The following ZNF438 variants were observed in gnomAD, a reference collection of about 807,000 sequenced individuals.
ZNF438 encodes the protein zinc finger protein 438.
ZNF438 carries 25 observed loss-of-function variants against 38.0 expected under a neutral mutation model. That is an observed-to-expected ratio of 0.66 (90% CI 0.48 to 0.92). ZNF438 has a LOEUF of 0.92. Among genes scored for constraint, ZNF438 ranks in the 40% least tolerant of loss-of-function variants. ZNF438 has a pLI of 0.00. For synonymous variants in ZNF438, 372 were observed against 364.1 expected, an observed-to-expected ratio of 1.02 and a Z score of -0.25; for missense variants, 1,007 against 999.6, an observed-to-expected ratio of 1.01 and a Z score of -0.10.
At chr10:31,015,126 C>T (rs1263373671) in intron 1 of ZNF438, among the ~76,000 whole-genome samples, 3 of 152,114 alleles carry the variant, frequency 2.0e-5, no homozygotes, top group East Asian at 1.9e-4. Flanking sequence ...CGTCGGCTTC[C>T]GAAAGTGCTG....
intron 4 of ZNF438, among the ~76,000 whole-genome samples, chr10:30,871,591 C>G (rs1404808019): frequency 6.6e-6 from 1 of 152,136 alleles, no homozygotes; most frequent in Non-Finnish European, 1.5e-5. Flanking sequence ...CTAAGTATGC[C>G]TTACTTGAGT....
rs142004600 is a variant in ZNF438, at chr10:30,988,513, A to C, written c.-192+43320T>G. On this transcript the variant is annotated intron_variant, in intron 1 of 5. Transcript: ENST00000413025. Reference sequence around the variant, plus strand: ...GTCAGGGTTCTCCAGAGAAAGAGAGAGATAACAAGATTATAATTATTGTAC... The same window carrying C: ...GTCAGGGTTCTCCAGAGAAAGAGAGCGATAACAAGATTATAATTATTGTAC... Among the ~76,000 whole-genome samples, 813 of 152,200 alleles carry C rather than the reference A, an allele frequency of 5.3e-3. 6 individuals are homozygous for C. Among genetic ancestry groups the C allele is most frequent in the African/African-American group, 0.019 (780 of 41,554 alleles).
chr10:30,926,140 A>G (rs1278886609), intron 2 of ZNF438, among the ~76,000 whole-genome samples: 4 of 152,230 alleles, frequency 2.6e-5, no homozygotes, highest in Non-Finnish European at 1.5e-5. Flanking sequence ...AAAGTAGGCA[A>G]TTAACTAGAA....
At chr10:30,966,647 G>A (rs2050151715) in intron 1 of ZNF438, among the ~76,000 whole-genome samples, 3 of 140,292 alleles carry the variant, frequency 2.1e-5, no homozygotes, top group Admixed American at 1.5e-4. Flanking sequence ...TCCAGCCTGG[G>A]CAACAGAGCA....
intron 2 of ZNF438, among the ~76,000 whole-genome samples, chr10:30,933,103 A>G (rs920782413): frequency 6.6e-6 from 1 of 152,218 alleles, no homozygotes; most frequent in Admixed American, 6.5e-5. Flanking sequence ...AGTCCTAGAA[A>G]ATTAATACCA....
intron 4 of ZNF438, among the ~76,000 whole-genome samples, chr10:30,875,757 C>T (rs1293893920): frequency 6.6e-6 from 1 of 152,204 alleles, no homozygotes; most frequent in African/African-American, 2.4e-5. Flanking sequence ...TCAAACCAAG[C>T]GGTCTAATTC....
At chr10:30,999,953 T>A (rs965737141) in intron 1 of ZNF438, among the ~76,000 whole-genome samples, 1 of 152,224 alleles carries the variant, frequency 6.6e-6, no homozygotes, top group African/African-American at 2.4e-5. Flanking sequence ...TCTTTATTTG[T>A]CTTTTTAGAA....
intron 3 of ZNF438, among the ~76,000 whole-genome samples, chr10:30,894,679 A>C (rs1468796671): frequency 6.6e-6 from 1 of 152,218 alleles, no homozygotes; most frequent in Non-Finnish European, 1.5e-5. Flanking sequence ...AGGAAGAAAA[A>C]AGGAACAATG....
At chr10:30,950,282 C>T (rs937459797) in intron 1 of ZNF438, among the ~76,000 whole-genome samples, 4 of 151,852 alleles carry the variant, frequency 2.6e-5, no homozygotes, top group African/African-American at 9.7e-5. Flanking sequence ...ACTAAATGCC[C>T]ACAAGAGAAA....
Position 30,984,736 on chromosome 10 carries a change from G to A in ZNF438, c.-191-43085C>T, listed in dbSNP as rs182253686. 2.2e-3 allele frequency among the ~76,000 whole-genome samples: 335 copies of A among 152,288 alleles called. 1 individual carries two copies. The highest frequency in any genetic ancestry group is 3.5e-3 in the Non-Finnish European group (235 of 68,020). On this transcript the variant is annotated intron_variant, in intron 1 of 5. Transcript: ENST00000413025. ...CATTCTTTTCCATGTGCATAATACT[G>A]TGGAAATTAGTAAACAGTCACAAAC...
At chr10:30,890,636 C>T (rs560219503) in intron 3 of ZNF438, among the ~76,000 whole-genome samples, 1 of 152,296 alleles carries the variant, frequency 6.6e-6, no homozygotes, top group African/African-American at 2.4e-5. Context: ...AATCTATTCT[C>T]TCTGATGCAA....
intron 2 of ZNF438, among the ~76,000 whole-genome samples, chr10:30,917,679 T>C (rs776199532): frequency 2.0e-5 from 3 of 152,184 alleles, no homozygotes; most frequent in Non-Finnish European, 2.9e-5. Flanking sequence ...CCGCTTTTTG[T>C]TATGGAGCTG....
Position 30,961,757 on chromosome 10 carries a change from G to A in ZNF438, c.-191-20106C>T, listed in dbSNP as rs184306422. On this transcript the variant is annotated intron_variant, in intron 1 of 5. Transcript: ENST00000413025. ...CAAGAGATTGGCCGGGTGTGGTGGC[G>A]TGCGCCTGTGATCCTAGCTACTCAG... 1.2e-3 allele frequency among the ~76,000 whole-genome samples: 174 copies of A among 145,836 alleles called. 9 individuals carry two copies. Among genetic ancestry groups the A allele is most frequent in the African/African-American group, 4.0e-3 (165 of 41,040 alleles).
At chr10:30,876,638 T>C (rs1373881310) in intron 4 of ZNF438, among the ~76,000 whole-genome samples, 1 of 152,226 alleles carries the variant, frequency 6.6e-6, no homozygotes, top group Non-Finnish European at 1.5e-5. Flanking sequence ...TATATTCTTC[T>C]ACTCACTAAA....
intron 3 of ZNF438, among the ~76,000 whole-genome samples, chr10:30,894,391 C>T (rs942445133): frequency 1.3e-5 from 2 of 152,172 alleles, no homozygotes; most frequent in Admixed American, 6.5e-5. Context: ...CTGGCCTGAG[C>T]ACCAGGTGGG....
chr10:30,992,409 G>A (rs1008112330), intron 1 of ZNF438, among the ~76,000 whole-genome samples: 9 of 129,732 alleles, frequency 6.9e-5, no homozygotes, highest in African/African-American at 2.8e-4. Context: ...GAGAAACTCT[G>A]AATCTTCTTT....
At chr10:30,877,569 G>A (rs960477560) in intron 3 of ZNF438, among the ~76,000 whole-genome samples, 10 of 152,162 alleles carry the variant, frequency 6.6e-5, no homozygotes, top group Non-Finnish European at 1.2e-4. Flanking sequence ...CATGCTAAAT[G>A]ATGGACACCA....
At chr10:30,941,206 G>C (rs1477625153) in intron 2 of ZNF438, among the ~76,000 whole-genome samples, 1 of 152,026 alleles carries the variant, frequency 6.6e-6, no homozygotes, top group East Asian at 1.9e-4. Flanking sequence ...CAAGTAGCTG[G>C]GACTACAGGC....
intron 4 of ZNF438, among the ~76,000 whole-genome samples, chr10:30,865,398 C>G (rs2036264489): frequency 6.6e-6 from 1 of 152,170 alleles, no homozygotes; most frequent in African/African-American, 2.4e-5. Flanking sequence ...TTACACAATA[C>G]ATTTAATGAC....
Sources: gnomAD v4.1 joint callset for allele counts (sites outside exome capture counted in the v4.1 genomes callset) on GRCh38, gnomAD v4.1.1 for gene constraint, MANE v1.5 for transcripts, NCBI Gene and HGNC (gene_info 2026-07-23, HGNC 2026-07-21) for gene names.